Variants in CTNNA3 observed in about 807,000 individuals in gnomAD.
CTNNA3 encodes the protein catenin alpha-3.
A neutral mutation model predicts 95.7 loss-of-function variants in CTNNA3; 76 were observed. That is an observed-to-expected ratio of 0.79 (90% CI 0.66 to 0.96). The LOEUF is 0.96. Ranked by LOEUF, CTNNA3 falls within the 40% of genes least tolerant of loss-of-function variation. The pLI is 0.00. For missense variants in CTNNA3, 1,191 were observed against 1,089.8 expected, an observed-to-expected ratio of 1.09 and a Z score of -1.31; for synonymous variants, 431 against 374.4, an observed-to-expected ratio of 1.15 and a Z score of -1.74.
chr10:66,947,900 C>T (rs1355519583), intron 7 of CTNNA3, among the ~76,000 whole-genome samples: 1 of 152,146 alleles, frequency 6.6e-6, no homozygotes, highest in South Asian at 2.1e-4. Context: ...GCGAACATCA[C>T]AGAGTGTACT....
intron 5 of CTNNA3, among the ~76,000 whole-genome samples, chr10:67,266,235 C>G (rs1866820776): frequency 6.6e-6 from 1 of 152,066 alleles, no homozygotes; most frequent in African/African-American, 2.4e-5. Flanking sequence ...AGAAAGAACA[C>G]TAAACAATTC....
At chr10:67,646,001 A>G (rs1839694983) in intron 2 of CTNNA3, among the ~76,000 whole-genome samples, 1 of 148,742 alleles carries the variant, frequency 6.7e-6, no homozygotes, top group Admixed American at 6.7e-5. Flanking sequence ...ATATTCTTTA[A>G]TATTACAAAG....
rs189656152 is a variant in CTNNA3, at chr10:66,264,093, T to C, written c.1884+16377A>G. Reference sequence around the variant, plus strand: ...CCTAAGAAAAAAACAATTCCTATCATAGGTCAAACTTATGCTCTAAATTCC... The same window carrying C: ...CCTAAGAAAAAAACAATTCCTATCACAGGTCAAACTTATGCTCTAAATTCC... On this transcript the variant is annotated intron_variant, in intron 13 of 17. Transcript: ENST00000433211. 2.6e-5 allele frequency among the ~76,000 whole-genome samples: 4 copies of C among 152,126 alleles called. No homozygotes were observed. In the East Asian group the frequency reaches 7.7e-4, roughly 29 times the overall value.
rs115754449 is a variant in CTNNA3 at position 66,311,586 on chromosome 10, C to T, written c.1733-30965G>A. Among the ~76,000 whole-genome samples the T allele has an allele frequency of 1.7e-3, 255 of 152,300 alleles. 2 individuals carry two copies. Among genetic ancestry groups the T allele is most frequent in the African/African-American group, 6.0e-3 (249 of 41,580 alleles). On this transcript the variant is annotated intron_variant, in intron 12 of 17. Coordinates refer to ENST00000433211, the MANE Select transcript of CTNNA3 (RefSeq NM_013266.4). ...ACTTAGTACAGTGACAGGGCCTTGA[C>T]CCGCAAGCTCCAGCAGAACCCCACC...
intron 14 of CTNNA3, among the ~76,000 whole-genome samples, chr10:66,092,122 T>C (rs2081235478): frequency 1.3e-5 from 2 of 151,976 alleles, no homozygotes; most frequent in East Asian, 1.9e-4. Context: ...TCTCTCTCAT[T>C]CCCAATATCC....
At chr10:67,726,318 T>TATGATATTATCTTACATATTATATATG (rs373179754) in intron 1 of CTNNA3, among the ~76,000 whole-genome samples, 2,750 of 70,520 alleles carry the variant, frequency 0.039, 103 homozygotes, top group Middle Eastern at 0.1. Context: ...ACATATTATA[T>TATGATATTATCTTACATATTATATATG]ATATTATCTT....
chr10:67,531,389 A>G (rs10128376), intron 4 of CTNNA3, among the ~76,000 whole-genome samples: 30,155 of 152,182 alleles, frequency 0.2, 4,971 homozygotes, highest in African/African-American at 0.46. Context: ...TTGCATCAGC[A>G]TGATCTGGAT....
chr10:67,453,097 A>G (rs573777937), intron 5 of CTNNA3, among the ~76,000 whole-genome samples: 1 of 152,234 alleles, frequency 6.6e-6, no homozygotes, highest in African/African-American at 2.4e-5. Context: ...TAGGAGCACT[A>G]CAGCCTGGGC....
At chr10:65,929,722 C>A (rs1203976123) in intron 17 of CTNNA3, among the ~76,000 whole-genome samples, 1 of 151,972 alleles carries the variant, frequency 6.6e-6, no homozygotes, top group African/African-American at 2.4e-5. Context: ...GCACCCGCCA[C>A]CACGCCCTGC....
intron 5 of CTNNA3, among the ~76,000 whole-genome samples, chr10:67,456,652 G>T (rs1847183768): frequency 6.6e-6 from 1 of 152,124 alleles, no homozygotes; most frequent in South Asian, 2.1e-4. Flanking sequence ...GTCAACAATT[G>T]CTATGTAGTC....
chr10:67,751,343 G>A (rs1245517317), intron 1 of CTNNA3: 34 of 691,244 alleles, frequency 4.9e-5, no homozygotes, highest in Middle Eastern at 3.5e-4. Flanking sequence ...CAGTGACTTC[G>A]TCCTGTTGCA....
At chr10:67,129,721 A>C (rs1859898485) in intron 7 of CTNNA3, among the ~76,000 whole-genome samples, 1 of 152,170 alleles carries the variant, frequency 6.6e-6, no homozygotes, top group Non-Finnish European at 1.5e-5. Context: ...ATAGAAACGA[A>C]AGTGCTAAGT....
intron 5 of CTNNA3, among the ~76,000 whole-genome samples, chr10:67,505,185 T>C (rs1839394467): frequency 6.6e-6 from 1 of 152,180 alleles, no homozygotes. Flanking sequence ...AACATGAGCA[T>C]TTAGCTTAAG....
intron 12 of CTNNA3, among the ~76,000 whole-genome samples, chr10:66,339,607 C>T (rs7099551): frequency 0.16 from 24,990 of 151,742 alleles, 2,327 homozygotes; most frequent in South Asian, 0.31. Context: ...TTTCCTAACC[C>T]CCAAATTCCT....
intron 7 of CTNNA3, among the ~76,000 whole-genome samples, chr10:67,095,759 A>C (rs1339016308): frequency 1.3e-5 from 2 of 151,856 alleles, no homozygotes; most frequent in African/African-American, 4.8e-5. Context: ...ATAACACATT[A>C]CAGAGCACTG....
chr10:67,282,866 C>A (rs1839453466), intron 5 of CTNNA3, among the ~76,000 whole-genome samples: 1 of 152,110 alleles, frequency 6.6e-6, no homozygotes, highest in South Asian at 2.1e-4. Flanking sequence ...TCCCATTCTC[C>A]CGCAAGGCTA....
intron 7 of CTNNA3, among the ~76,000 whole-genome samples, chr10:66,794,154 G>T (rs977522615): frequency 6.1e-5 from 9 of 147,414 alleles, no homozygotes; most frequent in African/African-American, 2.1e-4. Flanking sequence ...AACATGAAAA[G>T]AAAATTCAAA....
intron 7 of CTNNA3, among the ~76,000 whole-genome samples, chr10:66,919,791 T>A (rs12773625): frequency 0.41 from 61,827 of 151,990 alleles, 12,937 homozygotes; most frequent in Non-Finnish European, 0.46. Flanking sequence ...TAATTACAAA[T>A]GTAGACATGC....
rs1201233416 is a variant in CTNNA3 at position 66,112,797 on chromosome 10, T to A, written c.1885-9548A>T. ...GTTCACACTTGTCGTTGCATATGAC[T>A]GATCTCCTTTTTTTTTAAGGTTGAA... On this transcript the variant is annotated intron_variant, in intron 13 of 17. Coordinates refer to ENST00000433211, the MANE Select transcript of CTNNA3 (RefSeq NM_013266.4). Among the ~76,000 whole-genome samples, 6 of 150,144 alleles carry A rather than the reference T, an allele frequency of 4.0e-5. No homozygotes were observed. In the South Asian group the frequency reaches 1.1e-3, roughly 26 times the overall value.
Sources: gnomAD v4.1 joint callset for allele counts (sites outside exome capture counted in the v4.1 genomes callset) on GRCh38, gnomAD v4.1.1 for gene constraint, MANE v1.5 for transcripts, NCBI Gene and HGNC (gene_info 2026-07-23, HGNC 2026-07-21) for gene names.